SYNPR: variants seen among roughly 807,000 people sequenced by gnomAD.
SYNPR encodes synaptoporin.
In SYNPR, 23 loss-of-function variants were observed where a neutral mutation model predicts 32.9. The observed-to-expected ratio is 0.70, with a 90% CI of 0.50 to 0.99. The LOEUF is 0.99. Among genes scored for constraint, SYNPR ranks in the 50% least tolerant of loss-of-function variants. The pLI is 0.00. For missense variants in SYNPR, 318 were observed against 349.3 expected (o/e 0.91, Z 0.71); for synonymous variants, 146 against 135.9 (o/e 1.07, Z -0.52).
At chr3:63,283,640 T>TG (rs1391362192) in intron 2 of SYNPR, among the ~76,000 whole-genome samples, 1 of 149,068 alleles carries the variant, frequency 6.7e-6, no homozygotes, top group East Asian at 1.9e-4. Flanking sequence ...TTTTTTTTTT[T>TG]TTGAGACGGA....
At chr3:63,326,259 G>A (rs958467514) in intron 2 of SYNPR, among the ~76,000 whole-genome samples, 10 of 152,018 alleles carry the variant, frequency 6.6e-5, no homozygotes, top group Admixed American at 2.0e-4. Flanking sequence ...TGGCAGTGTA[G>A]GAGTGTGGAC....
chr3:63,520,958 T>C (rs952437153), intron 3 of SYNPR, among the ~76,000 whole-genome samples: 7 of 152,196 alleles, frequency 4.6e-5, no homozygotes, highest in Non-Finnish European at 8.8e-5. Flanking sequence ...GTTTGCACAT[T>C]TGTGTCCATT....
chr3:63,315,745 G>C (rs1311882510), intron 2 of SYNPR, among the ~76,000 whole-genome samples: 2 of 151,948 alleles, frequency 1.3e-5, no homozygotes, highest in Non-Finnish European at 2.9e-5. Context: ...TCTCTTGTCT[G>C]ATTGCTCTGG....
At chr3:63,330,237 T>G (rs1320643106) in intron 2 of SYNPR, 1 of 152,198 alleles carries the variant, frequency 6.6e-6, no homozygotes, top group African/African-American at 2.4e-5. Context: ...TAGGTTCTAC[T>G]GGTGCATTCT....
At chr3:63,416,875 G>C (rs1005278383) in intron 2 of SYNPR, among the ~76,000 whole-genome samples, 2 of 152,084 alleles carry the variant, frequency 1.3e-5, no homozygotes, top group African/African-American at 4.8e-5. Context: ...CTCCCACCAG[G>C]TGCCTCCCAC....
chr3:63,458,065 G>A (rs534803319), intron 2 of SYNPR, among the ~76,000 whole-genome samples: 59 of 152,150 alleles, frequency 3.9e-4, no homozygotes, highest in Non-Finnish European at 7.5e-4. Context: ...ATTAAAATCT[G>A]GGTATCTTGG....
In SYNPR at chr3:63,497,748, T is replaced by C. The variant is rs574129283; in HGVS notation, c.209+16792T>C. ...ATTTTTAAAAAGTAAAGCATAAATA[T>C]TCCGTATGGGAACAAACAGTGGCAC... On this transcript the variant is annotated intron_variant, in intron 3 of 5. Transcript: ENST00000478300. Among the ~76,000 whole-genome samples, 6 of 152,286 alleles carry C rather than the reference T, an allele frequency of 3.9e-5. No individual in the cohort carries two copies. The South Asian group carries it at 1.2e-3, about 32-fold the overall frequency.
chr3:63,595,759 AT>A (rs2061707302), intron 4 of SYNPR, among the ~76,000 whole-genome samples: 1 of 53,076 alleles, frequency 1.9e-5, no homozygotes, highest in Non-Finnish European at 3.1e-5. Context: ...ATATATATAT[AT>A]ATATATATAA....
At chr3:63,561,659 C>G (rs1702691376) in intron 4 of SYNPR, 1 of 152,172 alleles carries the variant, frequency 6.6e-6, no homozygotes, top group Non-Finnish European at 1.5e-5. Context: ...AGCCATGCAT[C>G]TGTCGTACTA....
At chr3:63,308,665 C>T (rs1276722024) in intron 2 of SYNPR, among the ~76,000 whole-genome samples, 1 of 151,906 alleles carries the variant, frequency 6.6e-6, no homozygotes, top group Non-Finnish European at 1.5e-5. Flanking sequence ...CTACTTCTAA[C>T]AAGAAATTTT....
intron 2 of SYNPR, among the ~76,000 whole-genome samples, chr3:63,266,523 T>C (rs1016665067): frequency 2.6e-5 from 4 of 151,694 alleles, no homozygotes; most frequent in Non-Finnish European, 5.9e-5. Context: ...ACCAACATGG[T>C]GAAACCGCAT....
intron 3 of SYNPR, among the ~76,000 whole-genome samples, chr3:63,552,472 A>C (rs1174433149): frequency 6.6e-6 from 1 of 152,148 alleles, no homozygotes; most frequent in Non-Finnish European, 1.5e-5. Flanking sequence ...AGCTGTACAC[A>C]TTTATGTTTG....
intron 2 of SYNPR, among the ~76,000 whole-genome samples, chr3:63,480,127 C>A (rs189190610): frequency 6.6e-6 from 1 of 152,174 alleles, no homozygotes; most frequent in South Asian, 2.1e-4. Flanking sequence ...CTCTCAGAGT[C>A]CCTGCTCCTA....
chr3:63,479,644 C>T (rs1179419426), intron 2 of SYNPR, among the ~76,000 whole-genome samples: 1 of 152,262 alleles, frequency 6.6e-6, no homozygotes, highest in Non-Finnish European at 1.5e-5. Flanking sequence ...ATTCATTTCA[C>T]CTTCTGAACT....
chr3:63,364,682 T>C (rs1211101504), intron 2 of SYNPR, among the ~76,000 whole-genome samples: 2 of 152,222 alleles, frequency 1.3e-5, no homozygotes, highest in African/African-American at 4.8e-5. Flanking sequence ...ACCTATTCAC[T>C]GCCACCAACT....
At chr3:63,474,751 C>A (rs1700867842) in intron 2 of SYNPR, among the ~76,000 whole-genome samples, 1 of 152,066 alleles carries the variant, frequency 6.6e-6, no homozygotes, top group African/African-American at 2.4e-5. Flanking sequence ...TGAGTGGTAC[C>A]AACTACTTGG....
intron 2 of SYNPR, among the ~76,000 whole-genome samples, chr3:63,279,979 T>C (rs1390160528): frequency 6.6e-6 from 1 of 152,228 alleles, no homozygotes; most frequent in Non-Finnish European, 1.5e-5. Flanking sequence ...CTCACAGTTC[T>C]GGAAACTTTC....
In SYNPR at chr3:63,560,660, C is replaced by T. The variant is rs138628258; in HGVS notation, c.408+3919C>T. ...TCACAGTTCCGTATGGCTGGGGAGG[C>T]CTCAGGAAATTTACGATCATGGTGG... On this transcript the variant is annotated intron_variant, in intron 4 of 5. Transcript: ENST00000478300. 2.5e-3 allele frequency among the ~76,000 whole-genome samples: 385 copies of T among 152,206 alleles called. 3 individuals carry two copies. Among genetic ancestry groups the T allele is most frequent in the African/African-American group, 9.0e-3 (374 of 41,526 alleles).
chr3:63,251,773 C>G (rs1297094980), intron 1 of SYNPR, among the ~76,000 whole-genome samples: 2 of 151,876 alleles, frequency 1.3e-5, no homozygotes, highest in East Asian at 3.9e-4. Context: ...CTTGGAAAGA[C>G]AACAACCAAG....
Sources: gnomAD v4.1 joint callset for allele counts (sites outside exome capture counted in the v4.1 genomes callset) on GRCh38, gnomAD v4.1.1 for gene constraint, MANE v1.5 for transcripts, NCBI Gene and HGNC (gene_info 2026-07-23, HGNC 2026-07-21) for gene names.